The following MAGEC3 variants were observed in gnomAD, a reference collection of about 807,000 sequenced individuals.
The protein encoded by MAGEC3 is melanoma-associated antigen C3.
A neutral mutation model predicts 35.3 loss-of-function variants in MAGEC3; 34 were observed. The ratio of observed to expected loss-of-function variants is 0.96; its 90% CI spans 0.73 to 1.28. The LOEUF (loss-of-function observed/expected upper bound fraction) is 1.28, where lower values mean the gene tolerates loss of function less well. Among genes scored for constraint, MAGEC3 ranks in the 50% most tolerant of loss-of-function variants. The pLI is 0.00. For missense variants in MAGEC3, 561 were observed against 483.6 expected, an observed-to-expected ratio of 1.16 and a Z score of -1.50; for synonymous variants, 202 against 185.6, an observed-to-expected ratio of 1.09 and a Z score of -0.72.
chrX:141,873,198 G>A (rs1042072042), intron 2 of MAGEC3, among the ~76,000 whole-genome samples: 4 of 111,282 alleles, frequency 3.6e-5, no homozygotes, highest in African/African-American at 1.3e-4. Context: ...GGCTTGGACT[G>A]CTTTTGTGTT....
rs1443753430 is a variant in MAGEC3, at chrX:141,895,414, G to C, written c.1048+7G>C. ...GACCTGGCCAATCCTCAAGGTAAGG[G>C]CCCTAAGGGAGAACTGAGGGACTTC... On this transcript the variant is annotated splice_region_variant and intron_variant, in intron 5 of 7. Coordinates refer to ENST00000298296, the MANE Select transcript of MAGEC3 (RefSeq NM_138702.1). 8.3e-7 allele frequency: 1 copy of C among 1,210,685 alleles called. No homozygotes were observed. The highest frequency in any genetic ancestry group is 3.0e-5 in the East Asian group (1 of 33,743).
In MAGEC3 at chrX:141,881,782, C is replaced by T. The variant is rs899661878; in HGVS notation, c.895C>T (p.Leu299=). The T allele has an allele frequency of 1.7e-6, 2 of 1,211,383 alleles. No individual in the cohort carries two copies. Among genetic ancestry groups the T allele is most frequent in the Non-Finnish European group, 2.2e-6 (2 of 895,401 alleles). Residue 299 remains leucine (L), a synonymous_variant, in exon 4 of 8, where the codon CTG becomes TTG. Transcript: ENST00000298296. ...CASEEVIWEV[L]NAIGPWSALA... ...ATCTGAGGAGGTCATCTGGGAAGTGCTGAATGCAATAGGGGTGTGTGCTCA... is the reference window on the plus strand; with the variant it reads ...ATCTGAGGAGGTCATCTGGGAAGTGTTGAATGCAATAGGGGTGTGTGCTCA...
intron 4 of MAGEC3, among the ~76,000 whole-genome samples, chrX:141,891,138 C>T (rs1438912836): frequency 9.0e-6 from 1 of 111,230 alleles, no homozygotes; most frequent in East Asian, 2.8e-4. Context: ...CATGATTGTC[C>T]CTCTTTCCGT....
Position 141,846,051 on chromosome X carries a change from G to A in MAGEC3, c.123+7613G>A, listed in dbSNP as rs747387422. Among the ~76,000 whole-genome samples, 18 of 110,306 alleles carry A rather than the reference G, an allele frequency of 1.6e-4. No homozygotes were observed. In the South Asian group the frequency reaches 3.4e-3, roughly 21 times the overall value. ...GTTGTGATACCAGATGCTAAGATAC[G>A]GAGAGGACAGACAGCTCCTAGCACA... On this transcript the variant is annotated intron_variant, in intron 1 of 7. Coordinates refer to ENST00000298296, the MANE Select transcript of MAGEC3 (RefSeq NM_138702.1).
At chrX:141,855,815 ATTATC>A (rs2017777260) in intron 1 of MAGEC3, among the ~76,000 whole-genome samples, 1 of 111,877 alleles carries the variant, frequency 8.9e-6, no homozygotes, top group African/African-American at 3.2e-5. Flanking sequence ...GCTTTGGAGT[ATTATC>A]TTTCTTTCTA....
intron 1 of MAGEC3, among the ~76,000 whole-genome samples, chrX:141,845,907 A>G (rs1309050467): frequency 4.5e-5 from 5 of 111,010 alleles, no homozygotes; most frequent in Non-Finnish European, 9.5e-5. Flanking sequence ...TGTAAAGTGG[A>G]TATTATAATA....
chrX:141,874,038 A>G (rs963989594), intron 2 of MAGEC3, among the ~76,000 whole-genome samples: 1 of 112,244 alleles, frequency 8.9e-6, no homozygotes, highest in Non-Finnish European at 1.9e-5. Context: ...AAGAAATGCA[A>G]TAGACATCCC....
intron 1 of MAGEC3, among the ~76,000 whole-genome samples, chrX:141,856,239 G>A (rs1192827022): frequency 9.0e-6 from 1 of 111,508 alleles, no homozygotes; most frequent in African/African-American, 3.3e-5. Context: ...TGAGGGAGTT[G>A]CATTGCCTGA....
chrX:141,891,153 C>G (rs1169836979), intron 4 of MAGEC3, among the ~76,000 whole-genome samples: 1 of 111,360 alleles, frequency 9.0e-6, no homozygotes, highest in African/African-American at 3.3e-5. Flanking sequence ...TTCCGTGTGT[C>G]TGTATCCTAA....
chrX:141,839,116 C>G (rs1033551339), intron 1 of MAGEC3, among the ~76,000 whole-genome samples: 1 of 111,201 alleles, frequency 9.0e-6, no homozygotes, highest in African/African-American at 3.3e-5. Context: ...TACTGAGGCT[C>G]TCTCACCTAT....
At chrX:141,849,416 C>A (rs1309773654) in intron 1 of MAGEC3, among the ~76,000 whole-genome samples, 1 of 110,741 alleles carries the variant, frequency 9.0e-6, no homozygotes, top group Non-Finnish European at 1.9e-5. Context: ...GCAATAAAAT[C>A]AAAAATTGAC....
chrX:141,858,296 A>C (rs929750703), intron 1 of MAGEC3, among the ~76,000 whole-genome samples: 3 of 110,786 alleles, frequency 2.7e-5, no homozygotes, highest in African/African-American at 6.6e-5. Context: ...AGGAAGGGTC[A>C]AGTTTGTCTT....
At chrX:141,855,022 A>G (rs143777557) in intron 1 of MAGEC3, among the ~76,000 whole-genome samples, 3 of 111,684 alleles carry the variant, frequency 2.7e-5, no homozygotes, top group African/African-American at 6.5e-5. Context: ...AGAGCAAAAT[A>G]TAAGTATTTC....
intron 4 of MAGEC3, among the ~76,000 whole-genome samples, chrX:141,892,221 AT>A (rs2018047920): frequency 8.9e-6 from 1 of 111,882 alleles, no homozygotes; most frequent in East Asian, 2.8e-4. Context: ...CAATATAATC[AT>A]TTATTGAAAT....
chrX:141,882,335 A>G (rs1190692867), intron 4 of MAGEC3, among the ~76,000 whole-genome samples: 2 of 112,036 alleles, frequency 1.8e-5, no homozygotes, highest in Non-Finnish European at 3.8e-5. Flanking sequence ...AGTAGGTTGA[A>G]TTAGCTTCAG....
chrX:141,880,975 G>A lies in MAGEC3; in HGVS notation c.516-428G>A, dbSNP rs1003445649. The A allele has an allele frequency of 8.2e-5, 45 of 550,925 alleles. No homozygotes were observed. In the South Asian group the frequency reaches 1.2e-3, roughly 14 times the overall value. 45.4% of individuals were successfully genotyped at this position (550,925 alleles called of 1,213,427 possible). On this transcript the variant is annotated intron_variant, in intron 3 of 7. Transcript: ENST00000298296. ...TTTACCTCCTGCTCCTAAGGAAGACGTTATGCCTGTGTTTTGAAATGTTCC... is the reference window on the plus strand; with the variant it reads ...TTTACCTCCTGCTCCTAAGGAAGACATTATGCCTGTGTTTTGAAATGTTCC...
At position 141,881,746 on chromosome X, in the gene MAGEC3, G is replaced by T. The variant is rs771553724; in HGVS notation, c.859G>T (p.Gly287Cys). 3.3e-6 allele frequency: 4 copies of T among 1,211,479 alleles called. No individual in the cohort carries two copies. Among genetic ancestry groups the T allele is most frequent in the Non-Finnish European group, 4.5e-6 (4 of 895,432 alleles). Reference sequence around the variant, plus strand: ...TATTCTGAGTGTGATCTTCATAAAGGGCAACTGTGCATCTGAGGAGGTCAT... The same window carrying T: ...TATTCTGAGTGTGATCTTCATAAAGTGCAACTGTGCATCTGAGGAGGTCAT... ...ILILSVIFIK[G>C]NCASEEVIWE... Residue 287 changes from glycine to cysteine, a missense_variant, in exon 4 of 8, where the codon GGC becomes TGC. Physicochemically the swap from Gly to Cys is radical, Grantham distance 159. Transcript: ENST00000298296.
chrX:141,846,411 G>T (rs1457783081), intron 1 of MAGEC3, among the ~76,000 whole-genome samples: 2 of 109,630 alleles, frequency 1.8e-5, no homozygotes, highest in Non-Finnish European at 1.9e-5. Context: ...CTCTATGATT[G>T]GCAGTTTACT....
At position 141,896,944 on chromosome X, in the gene MAGEC3, C is replaced by G. The variant is rs770083193; in HGVS notation, c.1186C>G (p.Pro396Ala). The change falls in exon 7 of 8, where the codon CCC becomes GCC. Residue 396 changes from proline (P) to alanine (A), a missense_variant. Transcript: ENST00000298296. ...PLPQSPPEIP[P>A]QGPPKISPQG... Reference sequence around the variant, plus strand: ...TCCCCAGAGTCCTCCTGAGATTCCTCCCCAGGGTCCTCCCAAGATCTCTCC... The same window carrying G: ...TCCCCAGAGTCCTCCTGAGATTCCTGCCCAGGGTCCTCCCAAGATCTCTCC... 2 of 1,184,595 alleles carry G rather than the reference C, an allele frequency of 1.7e-6. No individual in the cohort carries two copies. Among genetic ancestry groups the G allele is most frequent in the African/African-American group, 3.6e-5 (2 of 56,337 alleles).
Sources: gnomAD v4.1 joint callset for allele counts (sites outside exome capture counted in the v4.1 genomes callset) on GRCh38, gnomAD v4.1.1 for gene constraint, MANE v1.5 for transcripts, NCBI Gene and HGNC (gene_info 2026-07-23, HGNC 2026-07-21) for gene names.